Variants in PLPPR1 observed in about 807,000 individuals in gnomAD.
PLPPR1 encodes the protein phospholipid phosphatase-related protein type 1.
Under a neutral mutation model 33.1 loss-of-function variants are expected in PLPPR1, and 10 were observed. The observed-to-expected ratio is 0.30, with a 90% CI of 0.19 to 0.51. PLPPR1 has a LOEUF of 0.51. Ranked by LOEUF, PLPPR1 falls within the 20% of genes least tolerant of loss-of-function variation. The pLI is 0.97. For synonymous variants in PLPPR1, 151 were observed against 151.0 expected (o/e 1.00, Z 0.00); for missense variants, 304 against 408.1 (o/e 0.74, Z 2.20).
At chr9:101,084,032 C>T (rs927836015) in intron 1 of PLPPR1, among the ~76,000 whole-genome samples, 2 of 152,134 alleles carry the variant, frequency 1.3e-5, no homozygotes, top group Non-Finnish European at 2.9e-5. Context: ...TAGAGGAGTT[C>T]TCTACAGTCA....
At chr9:101,295,056 T>C (rs1025112463) in intron 4 of PLPPR1, among the ~76,000 whole-genome samples, 10 of 152,056 alleles carry the variant, frequency 6.6e-5, no homozygotes, top group African/African-American at 2.2e-4. Flanking sequence ...AAAACCCCAT[T>C]GTGTCAGCCC....
chr9:101,234,766 A>G (rs1317801172), intron 2 of PLPPR1, among the ~76,000 whole-genome samples: 4 of 151,958 alleles, frequency 2.6e-5, no homozygotes, highest in Admixed American at 2.6e-4. Context: ...TGTTAAATAA[A>G]TGAAGATAAA....
chr9:101,258,896 A>T (rs1827848512), intron 2 of PLPPR1, among the ~76,000 whole-genome samples: 1 of 152,126 alleles, frequency 6.6e-6, no homozygotes, highest in Admixed American at 6.5e-5. Flanking sequence ...GCTTTCTCTG[A>T]TATTAGCTAT....
chr9:101,249,617 G>A (rs1827679798), intron 2 of PLPPR1, among the ~76,000 whole-genome samples: 1 of 151,980 alleles, frequency 6.6e-6, no homozygotes, highest in Non-Finnish European at 1.5e-5. Context: ...GGAAATGGCA[G>A]CCCGGTTAGG....
chr9:101,163,521 C>T (rs961863235), intron 1 of PLPPR1, among the ~76,000 whole-genome samples: 8 of 152,126 alleles, frequency 5.3e-5, no homozygotes, highest in African/African-American at 1.9e-4. Flanking sequence ...GCTTTTTCAT[C>T]TAGGTGCAAA....
intron 4 of PLPPR1, among the ~76,000 whole-genome samples, chr9:101,294,438 C>T (rs888924745): frequency 7.9e-5 from 12 of 152,222 alleles, no homozygotes; most frequent in Admixed American, 6.5e-4. Flanking sequence ...GGGAATCCTC[C>T]CTAACTCATT....
At chr9:101,269,715 A>G in intron 2 of PLPPR1, 165 bp from the exon 3 acceptor site, 1 of 650,618 alleles carries the variant, frequency 1.5e-6, no homozygotes, top group Non-Finnish European at 2.8e-6. Context: ...CAAGGCAGAC[A>G]AGCAAGCACA....
At chr9:101,218,597 A>G (rs1301081909) in intron 2 of PLPPR1, among the ~76,000 whole-genome samples, 3 of 152,244 alleles carry the variant, frequency 2.0e-5, no homozygotes, top group South Asian at 2.1e-4. Context: ...TGCTTTGCCC[A>G]TAGTAAGCTT....
At chr9:101,277,329 A>C (rs1285466712) in intron 3 of PLPPR1, among the ~76,000 whole-genome samples, 1 of 152,178 alleles carries the variant, frequency 6.6e-6, no homozygotes, top group East Asian at 1.9e-4. Context: ...TCTGATCACC[A>C]GCCTCTGCTG....
chr9:101,142,498 TC>T (rs1291379733), intron 1 of PLPPR1, among the ~76,000 whole-genome samples: 1 of 152,178 alleles, frequency 6.6e-6, no homozygotes, highest in African/African-American at 2.4e-5. Flanking sequence ...ACGAGGAATT[TC>T]CTCTGTGATT....
intron 1 of PLPPR1, among the ~76,000 whole-genome samples, chr9:101,173,865 A>G (rs1167682814): frequency 6.6e-6 from 1 of 152,174 alleles, no homozygotes; most frequent in African/African-American, 2.4e-5. Flanking sequence ...AGAAGCCGGC[A>G]ATATTACTAA....
intron 2 of PLPPR1, among the ~76,000 whole-genome samples, chr9:101,223,863 G>A (rs1827005197): frequency 6.6e-6 from 1 of 151,670 alleles, no homozygotes; most frequent in Non-Finnish European, 1.5e-5. Context: ...TATATATGAA[G>A]TACATATATA....
intron 1 of PLPPR1, among the ~76,000 whole-genome samples, chr9:101,109,150 T>C (rs1831018463): frequency 1.3e-5 from 2 of 148,302 alleles, no homozygotes; most frequent in Non-Finnish European, 3.0e-5. Flanking sequence ...TTTTTTTTTT[T>C]TTTTTTTTAG....
chr9:101,158,759 G>A (rs945002704), intron 1 of PLPPR1, among the ~76,000 whole-genome samples: 4 of 152,204 alleles, frequency 2.6e-5, no homozygotes, highest in African/African-American at 7.2e-5. Flanking sequence ...CATTGCAGGT[G>A]ACTGAGCAAT....
chr9:101,308,895 A>G (rs956290221), intron 4 of PLPPR1, among the ~76,000 whole-genome samples: 1 of 152,234 alleles, frequency 6.6e-6, no homozygotes, highest in African/African-American at 2.4e-5. Flanking sequence ...GATTCAAGAA[A>G]GATAAATAAC....
At chr9:101,157,864 C>T (rs901331759) in intron 1 of PLPPR1, among the ~76,000 whole-genome samples, 5 of 151,850 alleles carry the variant, frequency 3.3e-5, no homozygotes, top group Admixed American at 2.6e-4. Context: ...ATTAGCTGGG[C>T]CTGGTTGTAT....
At chr9:101,210,333 A>C (rs1378327910) in intron 2 of PLPPR1, among the ~76,000 whole-genome samples, 2 of 152,164 alleles carry the variant, frequency 1.3e-5, no homozygotes, top group Non-Finnish European at 2.9e-5. Context: ...GAAACTTAGG[A>C]ATCCTTAATC....
chr9:101,247,484 T>G (rs1827632642), intron 2 of PLPPR1, among the ~76,000 whole-genome samples: 1 of 151,996 alleles, frequency 6.6e-6, no homozygotes. Flanking sequence ...CAGTTTCTGA[T>G]GGGGTTGACA....
chr9:101,126,019 T>C (rs1018462186), intron 1 of PLPPR1: 8 of 211,974 alleles, frequency 3.8e-5, no homozygotes, highest in African/African-American at 1.8e-4. Flanking sequence ...AAGCAGCCCA[T>C]GATTTATTTT....
Sources: gnomAD v4.1 joint callset for allele counts (sites outside exome capture counted in the v4.1 genomes callset) on GRCh38, gnomAD v4.1.1 for gene constraint, MANE v1.5 for transcripts, NCBI Gene and HGNC (gene_info 2026-07-23, HGNC 2026-07-21) for gene names.